MAP4K4: variants seen among roughly 807,000 people sequenced by gnomAD.
MAP4K4 encodes mitogen-activated protein kinase kinase kinase kinase 4.
MAP4K4 carries 38 observed loss-of-function variants against 189.6 expected under a neutral mutation model. The ratio of observed to expected loss-of-function variants is 0.20; its 90% CI spans 0.15 to 0.26. The LOEUF is 0.26. Among genes scored for constraint, MAP4K4 ranks in the 10% least tolerant of loss-of-function variants. The pLI is 1.00. For missense variants in MAP4K4, 1,054 were observed against 1,726.9 expected (o/e 0.61, Z 6.91); for synonymous variants, 610 against 624.3 (o/e 0.98, Z 0.34).
chr2:101,702,158 C>T (rs983152747), intron 2 of MAP4K4, among the ~76,000 whole-genome samples: 2 of 152,164 alleles, frequency 1.3e-5, no homozygotes, highest in Non-Finnish European at 2.9e-5. Flanking sequence ...AGCCACTGCA[C>T]CCGGCCTTAT....
At chr2:101,733,792 C>G (rs1425012216) in intron 2 of MAP4K4, among the ~76,000 whole-genome samples, 2 of 152,180 alleles carry the variant, frequency 1.3e-5, no homozygotes, top group Non-Finnish European at 2.9e-5. Context: ...GGCAGCTGTT[C>G]TGTGAGAGGA....
chr2:101,829,623 A>C, intron 6 of MAP4K4, 29 bp downstream of exon 6: 1,418 of 1,494,506 alleles, frequency 9.5e-4, no homozygotes, highest in Non-Finnish European at 1.2e-3. Context: ...GCGTGATCTC[A>C]TAATTGCACC....
intron 7 of MAP4K4, among the ~76,000 whole-genome samples, chr2:101,832,566 T>G (rs2096622110): frequency 6.6e-6 from 1 of 152,248 alleles, no homozygotes; most frequent in African/African-American, 2.4e-5. Context: ...TTTTATATAC[T>G]GAAGTATCTT....
chr2:101,856,256 C>T, intron 13 of MAP4K4, 118 bp downstream of exon 13: 1 of 902,784 alleles, frequency 1.1e-6, no homozygotes, highest in South Asian at 2.1e-5. Context: ...CACACATACA[C>T]ATATACTTAG....
intron 3 of MAP4K4, among the ~76,000 whole-genome samples, chr2:101,822,398 T>A (rs2096119533): frequency 6.6e-6 from 1 of 152,222 alleles, no homozygotes; most frequent in Non-Finnish European, 1.5e-5. Flanking sequence ...TGTAGTATAA[T>A]ACTCCAATGT....
At chr2:101,764,412 A>G (rs2077714353) in intron 2 of MAP4K4, among the ~76,000 whole-genome samples, 1 of 152,222 alleles carries the variant, frequency 6.6e-6, no homozygotes, top group South Asian at 2.1e-4. Context: ...CCTTGAGCTC[A>G]AATTCCCATT....
At chr2:101,877,093 G>A in exon 27 of MAP4K4, 6 of 1,613,984 alleles carry the variant, frequency 3.7e-6, no homozygotes, top group African/African-American at 1.3e-5. Flanking sequence ...AACCGAAGAC[G>A]ATTTCAACAA....
chr2:101,776,789 T>G (rs1243568769), intron 2 of MAP4K4, among the ~76,000 whole-genome samples: 5 of 152,140 alleles, frequency 3.3e-5, no homozygotes, highest in Non-Finnish European at 7.4e-5. Flanking sequence ...CAGAGGCTAT[T>G]TTTAATATGG....
intron 12 of MAP4K4, 32 bp from the exon 13 acceptor site, chr2:101,855,945 T>A: frequency 6.5e-7 from 1 of 1,538,202 alleles, no homozygotes; most frequent in Non-Finnish European, 8.8e-7. Context: ...GGCGGGAAGA[T>A]CCCTGGTAAT....
chr2:101,800,706 A>C (rs2148969515), intron 3 of MAP4K4, among the ~76,000 whole-genome samples: 1 of 152,208 alleles, frequency 6.6e-6, no homozygotes, highest in South Asian at 2.1e-4. Flanking sequence ...TTTTGTTTTT[A>C]ATGCTGTTCA....
At chr2:101,715,956 T>C (rs1448725656) in intron 2 of MAP4K4, among the ~76,000 whole-genome samples, 1 of 152,140 alleles carries the variant, frequency 6.6e-6, no homozygotes, top group Non-Finnish European at 1.5e-5. Context: ...TTGTGAACTG[T>C]GCATATGAAG....
chr2:101,790,626 G>C, intron 2 of MAP4K4, 94 bp from the exon 3 acceptor site: 1 of 841,048 alleles, frequency 1.2e-6, no homozygotes, highest in Non-Finnish European at 2.0e-6. Flanking sequence ...AAGTATAGTT[G>C]AGATACGATT....
chr2:101,785,724 CTCTCT>C, intron 2 of MAP4K4, among the ~76,000 whole-genome samples: 1 of 7,692 alleles, frequency 1.3e-4, no homozygotes, highest in East Asian at 5.0e-3. Flanking sequence ...CTCTCTCTCT[CTCTCT>C]CTCTCTCTCT....
intron 2 of MAP4K4, among the ~76,000 whole-genome samples, chr2:101,784,190 G>C (rs760859743): frequency 1.1e-4 from 17 of 152,096 alleles, no homozygotes; most frequent in Non-Finnish European, 2.4e-4. Context: ...TGAAAGCAGA[G>C]CAATTGGTTT....
At chr2:101,774,771 T>A (rs1336903902) in intron 2 of MAP4K4, among the ~76,000 whole-genome samples, 1 of 152,174 alleles carries the variant, frequency 6.6e-6, no homozygotes, top group Non-Finnish European at 1.5e-5. Flanking sequence ...TGCAGAACAG[T>A]CTCATCACCC....
chr2:101,887,497 T>A (rs989053334), intron 30 of MAP4K4, among the ~76,000 whole-genome samples: 1 of 152,194 alleles, frequency 6.6e-6, no homozygotes, highest in Admixed American at 6.5e-5. Flanking sequence ...GGGCAGTTGC[T>A]GCCAGGCCAG....
rs78508573 is a variant in MAP4K4, at chr2:101,881,342, A to G, written c.3386-1209A>G. On this transcript the variant is annotated intron_variant, in intron 27 of 32. Transcript: ENST00000324219. The stretch of plus-strand genomic sequence containing the variant: ...TATTTTATTAGGCTTGTATCCTGCA[A>G]CCTTGCTATAATTCTTGCTATAATT... Among the ~76,000 whole-genome samples, 1,074 of 151,956 alleles carry G rather than the reference A, an allele frequency of 7.1e-3. 15 individuals are homozygous for G. The highest frequency in any genetic ancestry group is 0.025 in the African/African-American group (1,034 of 41,422).
chr2:101,704,341 C>G (rs988422852), intron 2 of MAP4K4, among the ~76,000 whole-genome samples: 2 of 151,822 alleles, frequency 1.3e-5, no homozygotes, highest in African/African-American at 4.8e-5. Flanking sequence ...CCCTTACTTT[C>G]AAAAACTGTT....
intron 32 of MAP4K4, 28 bp downstream of exon 32, chr2:101,888,963 A>C (rs1219994328): frequency 6.3e-7 from 1 of 1,585,052 alleles, no homozygotes; most frequent in African/African-American, 1.3e-5. Context: ...GATTCTTTTT[A>C]GTTGCTCTAT....
Sources: gnomAD v4.1 joint callset for allele counts (sites outside exome capture counted in the v4.1 genomes callset) on GRCh38, gnomAD v4.1.1 for gene constraint, MANE v1.5 for transcripts, NCBI Gene and HGNC (gene_info 2026-07-23, HGNC 2026-07-21) for gene names.